Variants in AGMO observed in about 807,000 individuals in gnomAD.
AGMO encodes the protein glyceryl-ether monooxygenase.
Under a neutral mutation model 60.2 loss-of-function variants are expected in AGMO, and 75 were observed. That is an observed-to-expected ratio of 1.25 (90% CI 1.03 to 1.51). The LOEUF is 1.51. Ranked by LOEUF, AGMO falls within the 40% of genes most tolerant of loss-of-function variation. The pLI is 0.00. For synonymous variants in AGMO, 261 were observed against 177.1 expected, an observed-to-expected ratio of 1.47 and a Z score of -3.76; for missense variants, 763 against 525.5, an observed-to-expected ratio of 1.45 and a Z score of -4.42.
At chr7:15,419,685 A>G (rs566899396) in intron 4 of AGMO, among the ~76,000 whole-genome samples, 1 of 151,020 alleles carries the variant, frequency 6.6e-6, no homozygotes, top group Admixed American at 6.6e-5. Flanking sequence ...TTTTTTTTTT[A>G]ATATAAACAT....
At chr7:15,298,963 T>C (rs1212655884) in intron 12 of AGMO, among the ~76,000 whole-genome samples, 3 of 152,162 alleles carry the variant, frequency 2.0e-5, no homozygotes, top group Admixed American at 6.5e-5. Flanking sequence ...TCACACCTCA[T>C]GTCTGTTCTC....
At chr7:15,220,470 G>C (rs1029843115) in intron 12 of AGMO, among the ~76,000 whole-genome samples, 1 of 151,144 alleles carries the variant, frequency 6.6e-6, no homozygotes, top group South Asian at 2.1e-4. Flanking sequence ...CGCCCACCTC[G>C]GCCTCCCAAA....
intron 3 of AGMO, among the ~76,000 whole-genome samples, chr7:15,537,156 T>A (rs1784503437): frequency 6.6e-6 from 1 of 152,228 alleles, no homozygotes; most frequent in African/African-American, 2.4e-5. Flanking sequence ...TAACCTTCCA[T>A]CTTACTTTAT....
chr7:15,543,485 T>C (rs948303078), intron 3 of AGMO, among the ~76,000 whole-genome samples: 3 of 152,140 alleles, frequency 2.0e-5, no homozygotes, highest in Non-Finnish European at 4.4e-5. Flanking sequence ...AACAGAAAAG[T>C]GCATATGGTC....
chr7:15,381,043 G>T (rs150100847), intron 10 of AGMO, among the ~76,000 whole-genome samples: 9 of 152,024 alleles, frequency 5.9e-5, no homozygotes, highest in African/African-American at 1.7e-4. Flanking sequence ...ATAGATTAAA[G>T]ACTTAAATGT....
chr7:15,150,305 T>C, the AGMO span, among the ~76,000 whole-genome samples: 1 of 152,098 alleles, frequency 6.6e-6, no homozygotes, highest in African/African-American at 2.4e-5. Context: ...TTATCTTGCC[T>C]GATTGCTCTG....
chr7:15,332,051 A>G (rs996567570), intron 12 of AGMO, among the ~76,000 whole-genome samples: 1 of 152,096 alleles, frequency 6.6e-6, no homozygotes, highest in South Asian at 2.1e-4. Context: ...CAAAATGGAG[A>G]CGAGTGAAAT....
intron 5 of AGMO, among the ~76,000 whole-genome samples, chr7:15,395,674 A>G (rs1265844100): frequency 6.6e-6 from 1 of 152,212 alleles, no homozygotes; most frequent in Non-Finnish European, 1.5e-5. Flanking sequence ...AAATGGATAT[A>G]TAAATTTATT....
chr7:15,374,198 C>T (rs535114568), intron 10 of AGMO, among the ~76,000 whole-genome samples: 7 of 151,648 alleles, frequency 4.6e-5, no homozygotes, highest in Non-Finnish European at 1.0e-4. Context: ...ATTTCTTGCT[C>T]TTTAAAATAA....
Position 15,469,826 on chromosome 7 carries a change from T to C in AGMO, c.410-38718A>G, listed in dbSNP as rs554310169. 5.3e-5 allele frequency among the ~76,000 whole-genome samples: 8 copies of C among 152,202 alleles called. No individual in the cohort carries two copies. The East Asian group carries it at 1.5e-3, about 29-fold the overall frequency. ...GGGCTAGGAGATATCTAGGAAGAGATGCCACAGTTGGAAATATGATTAGAT... is the reference window on the plus strand; with the variant it reads ...GGGCTAGGAGATATCTAGGAAGAGACGCCACAGTTGGAAATATGATTAGAT... On this transcript the variant is annotated intron_variant, in intron 3 of 12. Coordinates refer to ENST00000342526, the MANE Select transcript of AGMO (RefSeq NM_001004320.2).
intron 12 of AGMO, among the ~76,000 whole-genome samples, chr7:15,328,261 C>T (rs1363222379): frequency 6.6e-6 from 1 of 152,010 alleles, no homozygotes; most frequent in Admixed American, 6.6e-5. Flanking sequence ...CCACACCCGG[C>T]TAGTTTTGTA....
intron 12 of AGMO, among the ~76,000 whole-genome samples, chr7:15,305,045 ATAGT>A (rs1780571356): frequency 6.6e-6 from 1 of 151,960 alleles, no homozygotes; most frequent in Non-Finnish European, 1.5e-5. Context: ...TTAAGAATAT[ATAGT>A]TATATTTGAA....
intron 12 of AGMO, among the ~76,000 whole-genome samples, chr7:15,292,751 CTTTTTTTTTTT>C (rs765222435): frequency 5.3e-5 from 5 of 95,126 alleles, no homozygotes; most frequent in East Asian, 2.8e-4. Context: ...TTTTTTTTTC[CTTTTTTTTTTT>C]TTTTTTTTTT....
chr7:15,467,547 T>C lies in AGMO; in HGVS notation c.410-36439A>G, dbSNP rs1165163422. 3.3e-5 allele frequency among the ~76,000 whole-genome samples: 5 copies of C among 152,182 alleles called. No homozygotes were observed. The East Asian group carries it at 9.6e-4, about 29-fold the overall frequency. On this transcript the variant is annotated intron_variant, in intron 3 of 12. Coordinates refer to ENST00000342526, the MANE Select transcript of AGMO (RefSeq NM_001004320.2). ...GCATTTTAAATACACACAAAAGGACTAAAACTCCACAAAGGTGCATGGGAA... is the reference window on the plus strand; with the variant it reads ...GCATTTTAAATACACACAAAAGGACCAAAACTCCACAAAGGTGCATGGGAA...
chr7:15,215,686 A>G (rs1781715998), intron 12 of AGMO, among the ~76,000 whole-genome samples: 1 of 152,084 alleles, frequency 6.6e-6, no homozygotes, highest in South Asian at 2.1e-4. Flanking sequence ...ACTATGGAGA[A>G]TATCAAAGCT....
chr7:15,342,435 C>T (rs1200305482), intron 12 of AGMO, among the ~76,000 whole-genome samples: 4 of 151,810 alleles, frequency 2.6e-5, no homozygotes, highest in East Asian at 3.9e-4. Context: ...CTTTAAAATC[C>T]GGTGCTAATG....
chr7:15,195,818 G>A (rs1378774188), downstream of AGMO, among the ~76,000 whole-genome samples: 1 of 152,086 alleles, frequency 6.6e-6, no homozygotes, highest in Non-Finnish European at 1.5e-5. Flanking sequence ...ATAATGCCTT[G>A]TTAACTCCTG....
the AGMO span, among the ~76,000 whole-genome samples, chr7:15,131,318 T>C: frequency 6.6e-6 from 1 of 152,130 alleles, no homozygotes; most frequent in Admixed American, 6.6e-5. Flanking sequence ...CAGGATGTAA[T>C]GCTAGTCATC....
At chr7:15,329,593 G>A (rs1450027188) in intron 12 of AGMO, among the ~76,000 whole-genome samples, 5 of 152,128 alleles carry the variant, frequency 3.3e-5, no homozygotes, top group Non-Finnish European at 5.9e-5. Context: ...GAACAAGCAG[G>A]TGCCATTTTC....
Sources: allele counts gnomAD v4.1 joint callset (sites outside exome capture counted in the v4.1 genomes callset), GRCh38; gene constraint gnomAD v4.1.1; transcripts MANE v1.5; gene names NCBI Gene and HGNC (gene_info 2026-07-23, HGNC 2026-07-21).